Variants in SEMA3A observed in about 807,000 individuals in gnomAD.
SEMA3A encodes semaphorin 3A, also known as semaphorin-3A.
Under a neutral mutation model 97.9 loss-of-function variants are expected in SEMA3A, and 29 were observed. That is an observed-to-expected ratio of 0.30 (90% confidence interval 0.22 to 0.40). The LOEUF (loss-of-function observed/expected upper bound fraction) is 0.40. Ranked by LOEUF, SEMA3A falls within the 10% of genes least tolerant of loss-of-function variation. The pLI is 1.00. For synonymous variants in SEMA3A, 321 were observed against 323.7 expected, an observed-to-expected ratio of 0.99 and a Z score of 0.09; for missense variants, 763 against 951.3, an observed-to-expected ratio of 0.80 and a Z score of 2.60.
In SEMA3A at chr7:83,960,284, A is replaced by G. The variant is rs2116240750; in HGVS notation, c.*1087T>C. ...ACAGTATATTAAGACAATGCTTATT[A>G]TTTTCATGAAATATGCAGTTCCTTT... On this transcript the variant is annotated 3_prime_UTR_variant, in exon 17 of 17. Coordinates refer to ENST00000265362, the MANE Select transcript of SEMA3A (RefSeq NM_006080.3). 1 of 152,206 alleles carries G rather than the reference A, an allele frequency of 6.6e-6. No homozygotes were observed. Among genetic ancestry groups the G allele is most frequent in the Non-Finnish European group, 1.5e-5 (1 of 67,970 alleles). The allele number at this position is 152,206 out of a possible 1,614,324, so 9.4% of individuals were successfully genotyped here.
chr7:83,987,366 A>G (rs182362427), intron 12 of SEMA3A, among the ~76,000 whole-genome samples: 3 of 152,276 alleles, frequency 2.0e-5, no homozygotes, highest in Middle Eastern at 3.4e-3. Context: ...GTACCAAGAA[A>G]AGTACTTATT....
chr7:84,260,784 C>CCTG (rs1799834911), intron 3 of SEMA3A, among the ~76,000 whole-genome samples: 1 of 152,124 alleles, frequency 6.6e-6, no homozygotes, highest in African/African-American at 2.4e-5. Context: ...GCATGAACAG[C>CCTG]CTGTGCGTCA....
In SEMA3A at chr7:84,121,886, G is replaced by A. The variant is rs1206915699; in HGVS notation, c.333+7237C>T. Among the ~76,000 whole-genome samples, 7 of 48,508 alleles carry A rather than the reference G, an allele frequency of 1.4e-4. 3 individuals are homozygous for A. In the East Asian group the frequency reaches 6.6e-3, roughly 45 times the overall value. The allele number at this position is 48,508 out of a possible 152,430, so 31.8% of individuals were successfully genotyped here. On this transcript the variant is annotated intron_variant, in intron 3 of 16. Transcript: ENST00000265362. ...GATCTCTTGACCTCGTGATCCGCCC[G>A]CCTCGGCCTCCCAAAGTGCTGGGAT...
At chr7:84,116,649 G>T (rs1348973917) in intron 3 of SEMA3A, among the ~76,000 whole-genome samples, 3 of 152,102 alleles carry the variant, frequency 2.0e-5, no homozygotes, top group African/African-American at 7.2e-5. Flanking sequence ...AAACTGGCTG[G>T]TGTCTCTATA....
intron 2 of SEMA3A, among the ~76,000 whole-genome samples, chr7:84,323,657 C>T (rs1801706077): frequency 6.6e-6 from 1 of 151,996 alleles, no homozygotes; most frequent in South Asian, 2.1e-4. Flanking sequence ...TTACAATGAA[C>T]TATAGTTCTT....
intron 1 of SEMA3A, among the ~76,000 whole-genome samples, chr7:84,487,753 A>C (rs577278616): frequency 6.6e-6 from 1 of 152,072 alleles, no homozygotes; most frequent in South Asian, 2.1e-4. Flanking sequence ...CCACAGATTA[A>C]TTTTTCCAGG....
Position 84,424,641 on chromosome 7 carries a change from T to C in SEMA3A, c.-245-52741A>G, listed in dbSNP as rs1385426307. 6.4e-5 allele frequency among the ~76,000 whole-genome samples: 6 copies of C among 94,380 alleles called. 1 individual carries two copies. Among genetic ancestry groups the C allele is most frequent in the Non-Finnish European group, 9.1e-5 (5 of 54,726 alleles). 61.9% of individuals were successfully genotyped at this position (94,380 alleles called of 152,430 possible). On this transcript the variant is annotated intron_variant, in intron 1 of 3. Coordinates refer to the SEMA3A transcript ENST00000424555. ...TAATATATAATATATATACAATATA[T>C]ATTATATTTATATATTATATAATAT...
chr7:84,148,071 G>A (rs2116102186), intron 1 of SEMA3A, among the ~76,000 whole-genome samples: 1 of 149,616 alleles, frequency 6.7e-6, no homozygotes, highest in East Asian at 1.9e-4. Flanking sequence ...CACCATGCCT[G>A]GTTAATTTTT....
At chr7:84,287,220 G>T (rs561661872) in intron 3 of SEMA3A, among the ~76,000 whole-genome samples, 1 of 151,986 alleles carries the variant, frequency 6.6e-6, no homozygotes, top group Non-Finnish European at 1.5e-5. Context: ...CTTTATTGAG[G>T]TATAATTGAC....
chr7:84,271,386 A>G (rs1461388791), intron 3 of SEMA3A, among the ~76,000 whole-genome samples: 1 of 152,114 alleles, frequency 6.6e-6, no homozygotes, highest in Non-Finnish European at 1.5e-5. Flanking sequence ...ACAAGTACAC[A>G]CATTTAAAGA....
Position 83,973,614 on chromosome 7 carries a change from T to A in SEMA3A, c.1717+3518A>T, listed in dbSNP as rs117703376. ...TGCTACAAAATACTAAATTTACAGTTCTACAGATCATAAAGATGGCATTGT... is the reference window on the plus strand; with the variant it reads ...TGCTACAAAATACTAAATTTACAGTACTACAGATCATAAAGATGGCATTGT... On this transcript the variant is annotated intron_variant, in intron 15 of 16. Coordinates refer to ENST00000265362, the MANE Select transcript of SEMA3A (RefSeq NM_006080.3). 2.6e-3 allele frequency among the ~76,000 whole-genome samples: 390 copies of A among 152,226 alleles called. 1 individual carries two copies. The highest frequency in any genetic ancestry group is 4.3e-3 in the Non-Finnish European group (294 of 68,012).
intron 1 of SEMA3A, among the ~76,000 whole-genome samples, chr7:84,440,395 T>G (rs966965332): frequency 5.9e-5 from 9 of 152,124 alleles, no homozygotes; most frequent in Non-Finnish European, 7.4e-5. Context: ...GTAGGTAAAA[T>G]GGGTCTTGCT....
chr7:84,094,398 C>T (rs1301475018), intron 4 of SEMA3A, among the ~76,000 whole-genome samples: 1 of 151,398 alleles, frequency 6.6e-6, no homozygotes, highest in African/African-American at 2.4e-5. Context: ...ACTTAAAGTA[C>T]GTATATTTTC....
At position 84,236,530 on chromosome 7, in the gene SEMA3A, T is replaced by C. The variant is rs933241239; in HGVS notation, c.-82-41862A>G. Among the ~76,000 whole-genome samples, 4 of 152,118 alleles carry C rather than the reference T, an allele frequency of 2.6e-5. No individual in the cohort carries two copies. The East Asian group carries it at 5.8e-4, about 22-fold the overall frequency. On this transcript the variant is annotated intron_variant, in intron 3 of 3. Transcript: ENST00000424555. ...GGCATTTCAGGCCCTTCCTCCAAGA[T>C]GTTATTGCAATCTTCCTGTTTAACT...
chr7:84,271,288 C>T (rs186603843), intron 3 of SEMA3A, among the ~76,000 whole-genome samples: 375 of 152,140 alleles, frequency 2.5e-3, no homozygotes, highest in African/African-American at 8.8e-3. Flanking sequence ...CCTGGGCTCA[C>T]GCAATCCTCC....
rs17246251 is a variant in SEMA3A at position 83,985,304 on chromosome 7, T to G, written c.1494+132A>C. 240,264 of 630,146 alleles carry G rather than the reference T, an allele frequency of 0.38. 49,472 individuals carry two copies. Among genetic ancestry groups the G allele is most frequent in the Middle Eastern group, 0.44 (995 of 2,246 alleles). The allele number at this position is 630,146 out of a possible 1,614,324, so 39.0% of individuals were successfully genotyped here. On this transcript the variant is annotated intron_variant, in intron 13 of 16. Coordinates refer to ENST00000265362, the MANE Select transcript of SEMA3A (RefSeq NM_006080.3). ...CTAATCTACTAGCTTATTGTAAGAATGATATTTGTTTTCTCCTGTATTTTT... is the reference window on the plus strand; with the variant it reads ...CTAATCTACTAGCTTATTGTAAGAAGGATATTTGTTTTCTCCTGTATTTTT...
At chr7:84,316,130 CAAAAA>C (rs202005657) in intron 2 of SEMA3A, among the ~76,000 whole-genome samples, 1,285 of 30,010 alleles carry the variant, frequency 0.043, 18 homozygotes, top group African/African-American at 0.13. Context: ...GACTCTATCT[CAAAAA>C]AAAAAAAAAA....
chr7:84,280,331 A>T (rs1411642273), intron 3 of SEMA3A, among the ~76,000 whole-genome samples: 2 of 152,186 alleles, frequency 1.3e-5, no homozygotes, highest in African/African-American at 4.8e-5. Flanking sequence ...AAGCTAAACT[A>T]TAAGATCTGT....
intron 2 of SEMA3A, among the ~76,000 whole-genome samples, chr7:84,344,462 A>G (rs1025240541): frequency 4.6e-5 from 7 of 152,114 alleles, no homozygotes; most frequent in Admixed American, 1.3e-4. Context: ...AGGAGAGAAG[A>G]CCCAAGAATT....
Sources: allele counts gnomAD v4.1 joint callset (sites outside exome capture counted in the v4.1 genomes callset), GRCh38; gene constraint gnomAD v4.1.1; transcripts MANE v1.5; gene names NCBI Gene and HGNC (gene_info 2026-07-23, HGNC 2026-07-21).